FANCI: variants seen among roughly 807,000 people sequenced by gnomAD.
FANCI encodes the protein Fanconi anemia group I protein.
In FANCI, 156 loss-of-function variants were observed where a neutral mutation model predicts 176.1. The ratio of observed to expected loss-of-function variants is 0.89; its 90% confidence interval spans 0.78 to 1.01. The LOEUF (loss-of-function observed/expected upper bound fraction) is 1.01, where lower values mean the gene tolerates loss of function less well. Ranked by LOEUF, FANCI falls within the 50% of genes least tolerant of loss-of-function variation. The pLI is 0.00. For missense variants in FANCI, 1,678 were observed against 1,534.1 expected (o/e 1.09, Z -1.57); for synonymous variants, 613 against 541.7 (o/e 1.13, Z -1.83).
chr15:89,305,866 C>T lies in FANCI; in HGVS notation c.3350-141C>T. On this transcript the variant is annotated intron_variant, in intron 31 of 37. Transcript: ENST00000310775. ...TAGAAGATCATATGTCTTATCACAG[C>T]ACGATTAATTCACTCTGCATATTGA... is the stretch of plus-strand genomic sequence containing the variant. 4.8e-6 allele frequency: 5 copies of T among 1,051,638 alleles called. No homozygotes were observed. In the South Asian group the frequency reaches 6.6e-5, roughly 14 times the overall value. 65.1% of individuals were successfully genotyped at this position (1,051,638 alleles called of 1,614,324 possible).
At position 89,259,326 on chromosome 15, in the gene FANCI, G is replaced by GT. The variant is rs573186573; in HGVS notation, c.157+552dup. On this transcript the variant is annotated intron_variant, in intron 3 of 37. Coordinates refer to ENST00000310775, the MANE Select transcript of FANCI (RefSeq NM_001113378.2). Reference sequence around the variant, plus strand: ...TGTCTTTGGACTCTTAATTAGGTATGTTAACTTGGTTTATTTTTCTTCCCC... The same window carrying GT: ...TGTCTTTGGACTCTTAATTAGGTATGTTTAACTTGGTTTATTTTTCTTCCCC... The GT allele has an allele frequency of 2.2e-3, 334 of 155,108 alleles. 1 individual carries two copies. The highest frequency in any genetic ancestry group is 2.4e-3 in the Non-Finnish European group (168 of 69,678). 9.6% of individuals were successfully genotyped at this position (155,108 alleles called of 1,614,324 possible). A position where few individuals can be genotyped will look rare whatever the true frequency, so the allele number is the denominator to read the frequency against.
At chr15:89,292,644 C>T in intron 20 of FANCI, 44 bp from the exon 21 acceptor site, 6 of 1,569,586 alleles carry the variant, frequency 3.8e-6, no homozygotes, top group Non-Finnish European at 5.2e-6. Context: ...ATAAGTTATC[C>T]ATCAACACTC....
At position 89,273,522 on chromosome 15, in the gene FANCI, A is replaced by C. The variant is rs1314836553; in HGVS notation, c.975+53A>C. 6.9e-6 allele frequency: 7 copies of C among 1,008,946 alleles called. 1 individual carries two copies. The highest frequency in any genetic ancestry group is 4.3e-4 in the Middle Eastern group (2 of 4,638). 62.5% of individuals were successfully genotyped at this position (1,008,946 alleles called of 1,614,324 possible). On this transcript the variant is annotated intron_variant, in intron 11 of 37. Coordinates refer to ENST00000310775, the MANE Select transcript of FANCI (RefSeq NM_001113378.2). ...CTTTCTGTAGTTGGTAAAAAAAAAA[A>C]AAAAAAAAAAAAATCACAGTAATCT...
intron 24 of FANCI, among the ~76,000 whole-genome samples, chr15:89,296,912 C>T (rs868408657): frequency 9.8e-5 from 14 of 142,234 alleles, no homozygotes; most frequent in East Asian, 4.3e-4. Flanking sequence ...GCTGGCCGGG[C>T]GGGGGGCTGA....
intron 24 of FANCI, among the ~76,000 whole-genome samples, chr15:89,296,957 C>T (rs866439763): frequency 8.2e-5 from 12 of 146,156 alleles, no homozygotes; most frequent in South Asian, 6.4e-4. Context: ...GGCGGCTGGC[C>T]GGGCGGGGGG....
rs28707727 is a variant in FANCI at position 89,299,402 on chromosome 15, G to A, written c.2637-398G>A. 4.3e-3 allele frequency among the ~76,000 whole-genome samples: 656 copies of A among 152,196 alleles called. 6 individuals carry two copies. Among genetic ancestry groups the A allele is most frequent in the African/African-American group, 0.015 (620 of 41,516 alleles). On this transcript the variant is annotated intron_variant, in intron 24 of 37. Transcript: ENST00000310775. ...TATTCCACCTCATTTAATTAATGAG[G>A]TCAGCATTACCCTGATACCAAACCA...
chr15:89,310,111 G>C (rs945881908), intron 34 of FANCI, among the ~76,000 whole-genome samples: 4 of 152,194 alleles, frequency 2.6e-5, no homozygotes, highest in African/African-American at 9.7e-5. Flanking sequence ...CTTGAACCCA[G>C]CTAGTTAGAC....
At chr15:89,263,349 C>G (rs2052797042) in intron 6 of FANCI, 70 bp from the exon 7 acceptor site, 1 of 1,335,554 alleles carries the variant, frequency 7.5e-7, no homozygotes, top group Non-Finnish European at 1.1e-6. Context: ...TTTTTTTGTC[C>G]TCATTAATTT....
At chr15:89,260,618 G>C (rs1196592485) in intron 3 of FANCI, 95 bp from the exon 4 acceptor site, 2 of 1,502,546 alleles carry the variant, frequency 1.3e-6, no homozygotes, top group Admixed American at 1.7e-5. Flanking sequence ...TGATAATTCT[G>C]TTTTTTTGTA....
At chr15:89,314,478 G>GTC in intron 35 of FANCI, 134 bp from the exon 36 acceptor site, 1 of 618,506 alleles carries the variant, frequency 1.6e-6, no homozygotes, top group South Asian at 1.7e-5. Flanking sequence ...TAGATTACTG[G>GTC]TATACAACTG....
chr15:89,316,498 C>T lies in FANCI; in HGVS notation c.*39C>T. 1 of 1,577,366 alleles carries T rather than the reference C, an allele frequency of 6.3e-7. No individual in the cohort carries two copies. The highest frequency in any genetic ancestry group is 2.3e-5 in the East Asian group (1 of 43,072). On this transcript the variant is annotated 3_prime_UTR_variant, in exon 38 of 38. Transcript: ENST00000310775. Reference sequence around the variant, plus strand: ...GTTAATGTGAACTTTGGGGCTTCTGCTTCATTTTTACCCAACAAGCAACAA... The same window carrying T: ...GTTAATGTGAACTTTGGGGCTTCTGTTTCATTTTTACCCAACAAGCAACAA...
rs751153867 is a variant in FANCI, at chr15:89,276,802, A to G, written c.1204A>G (p.Lys402Glu). The change falls in exon 13 of 38, where the codon AAA becomes GAA. Residue 402 changes from lysine (K) to glutamate (E), a missense_variant. Coordinates refer to ENST00000310775, the MANE Select transcript of FANCI (RefSeq NM_001113378.2). ...TGGGCCAAAGAAGGTTCTTGATGGAAAAACTATTGAAACCAGCCCAAGTCT... is the reference window on the plus strand; with the variant it reads ...TGGGCCAAAGAAGGTTCTTGATGGAGAAACTATTGAAACCAGCCCAAGTCT... ...SYGPKKVLDG[K>E]TIETSPSLSR... The G allele has an allele frequency of 5.6e-6, 9 of 1,614,064 alleles. No individual in the cohort carries two copies. The highest frequency in any genetic ancestry group is 7.6e-6 in the Non-Finnish European group (9 of 1,180,034).
intron 26 of FANCI, among the ~76,000 whole-genome samples, chr15:89,301,092 G>A (rs1366367192): frequency 6.6e-6 from 1 of 152,210 alleles, no homozygotes; most frequent in East Asian, 1.9e-4. Flanking sequence ...TTTTGCATGG[G>A]GTTGGAACGG....
At position 89,261,457 on chromosome 15, in the gene FANCI, AATCCCTTATG is replaced by A. The variant is rs1195194345; in HGVS notation, c.289-127_289-118del. The A allele has an allele frequency of 6.8e-6, 8 of 1,178,848 alleles. No individual in the cohort carries two copies. In the East Asian group the frequency reaches 1.9e-4, roughly 28 times the overall value. The allele number at this position is 1,178,848 out of a possible 1,614,324, so 73.0% of individuals were successfully genotyped here. A position where few individuals can be genotyped will look rare whatever the true frequency, so the allele number is the denominator to read the frequency against. On this transcript the variant is annotated intron_variant, in intron 4 of 37. Transcript: ENST00000310775. Reference sequence around the variant, plus strand: ...CCAGACAGAGCAGAATGATTCCATAAATCCCTTATGGGACCAGTTCTGGATCTCGGTCAAT... The same window carrying A: ...CCAGACAGAGCAGAATGATTCCATAAGGACCAGTTCTGGATCTCGGTCAAT...
At chr15:89,274,598 C>CTTT (rs1360782495) in intron 12 of FANCI, among the ~76,000 whole-genome samples, 1 of 100,348 alleles carries the variant, frequency 1.0e-5, no homozygotes, top group African/African-American at 3.7e-5. Context: ...TTCTTTCTTT[C>CTTT]CTTTTTTTTT....
At chr15:89,290,924 C>A (rs186630604) in intron 19 of FANCI, among the ~76,000 whole-genome samples, 5 of 152,242 alleles carry the variant, frequency 3.3e-5, no homozygotes, top group Admixed American at 1.3e-4. Context: ...TTTCATCTGG[C>A]CTTAGGCTTG....
At chr15:89,253,257 A>G (rs140967339) in intron 2 of FANCI, among the ~76,000 whole-genome samples, 1 of 152,226 alleles carries the variant, frequency 6.6e-6, no homozygotes, top group African/African-American at 2.4e-5. Flanking sequence ...GAACAACTGG[A>G]TGGACATTTG....
At chr15:89,314,179 GAC>G (rs112695755) in intron 35 of FANCI, among the ~76,000 whole-genome samples, 9 of 119,902 alleles carry the variant, frequency 7.5e-5, no homozygotes, top group East Asian at 2.4e-4. Flanking sequence ...TAGGGGGAAA[GAC>G]ACACACACAC....
At chr15:89,287,935 C>T (rs146950828) in intron 18 of FANCI, among the ~76,000 whole-genome samples, 1 of 152,174 alleles carries the variant, frequency 6.6e-6, no homozygotes, top group East Asian at 1.9e-4. Flanking sequence ...CATAGATCCC[C>T]ATAACACATA....
Sources: allele counts gnomAD v4.1 joint callset (sites outside exome capture counted in the v4.1 genomes callset), GRCh38; gene constraint gnomAD v4.1.1; transcripts MANE v1.5; gene names NCBI Gene and HGNC (gene_info 2026-07-23, HGNC 2026-07-21).